Variants in SRPK2 observed in about 807,000 individuals in gnomAD.
SRPK2 encodes the protein SRSF protein kinase 2.
Under a neutral mutation model 90.8 loss-of-function variants are expected in SRPK2, and 21 were observed. That is an observed-to-expected ratio of 0.23 (90% CI 0.16 to 0.33). The LOEUF is 0.33. Ranked by LOEUF, SRPK2 falls within the 10% of genes least tolerant of loss-of-function variation. SRPK2 has a pLI of 1.00. For missense variants in SRPK2, 620 were observed against 869.0 expected (o/e 0.71, Z 3.60); for synonymous variants, 288 against 311.1 (o/e 0.93, Z 0.78).
At chr7:105,353,227 A>G (rs1033160889) in intron 2 of SRPK2, among the ~76,000 whole-genome samples, 6 of 152,218 alleles carry the variant, frequency 3.9e-5, no homozygotes, top group Non-Finnish European at 5.9e-5. Context: ...TCTCAGCTCT[A>G]CAACCTATCA....
In SRPK2 at chr7:105,170,848, A is replaced by AAAGG. The variant is rs1248471984; in HGVS notation, c.230-1584_230-1583insCCTT. 2.6e-4 allele frequency among the ~76,000 whole-genome samples: 4 copies of AAAGG among 15,594 alleles called. 1 individual carries two copies. Among genetic ancestry groups the AAAGG allele is most frequent in the African/African-American group, 6.6e-4 (4 of 6,018 alleles). 10.2% of individuals were successfully genotyped at this position (15,594 alleles called of 152,430 possible). ...AAGAGAAAGAAAGGAAGAAAGAAAG[A>AAAGG]AAGAAAGAAAGAAAGAAAGAAAGAA... On this transcript the variant is annotated intron_variant, in intron 3 of 15. Transcript: ENST00000393651.
chr7:105,156,061 G>T (rs1051069161), intron 7 of SRPK2, among the ~76,000 whole-genome samples: 2 of 152,198 alleles, frequency 1.3e-5, no homozygotes, highest in African/African-American at 4.8e-5. Context: ...GCTGACACCA[G>T]ATGATAGAAA....
intron 2 of SRPK2, among the ~76,000 whole-genome samples, chr7:105,364,753 T>C (rs890905508): frequency 1.3e-5 from 2 of 152,010 alleles, no homozygotes; most frequent in African/African-American, 2.4e-5. Context: ...ATTAGAGACA[T>C]TGTGTTTGGG....
intron 2 of SRPK2, among the ~76,000 whole-genome samples, chr7:105,280,010 G>C (rs915302944): frequency 6.6e-6 from 1 of 152,180 alleles, no homozygotes; most frequent in African/African-American, 2.4e-5. Flanking sequence ...TTATATCATA[G>C]AGTAATATTC....
chr7:105,169,407 A>G, intron 3 of SRPK2, 142 bp from the exon 4 acceptor site: 1 of 641,858 alleles, frequency 1.6e-6, no homozygotes, highest in Non-Finnish European at 2.6e-6. Context: ...ATAATACAAC[A>G]TTTTTTTCAG....
intron 2 of SRPK2, among the ~76,000 whole-genome samples, chr7:105,256,144 T>C (rs1803269852): frequency 1.3e-5 from 2 of 152,222 alleles, no homozygotes; most frequent in Non-Finnish European, 1.5e-5. Context: ...TATTTCAATC[T>C]ACAGCTAATG....
At chr7:105,364,549 C>T (rs1818815012) in intron 2 of SRPK2, among the ~76,000 whole-genome samples, 1 of 151,892 alleles carries the variant, frequency 6.6e-6, no homozygotes, top group Admixed American at 6.6e-5. Context: ...TACAGGTACC[C>T]GCCATCATGC....
intron 2 of SRPK2, among the ~76,000 whole-genome samples, chr7:105,299,652 G>A (rs1810283161): frequency 6.6e-6 from 1 of 152,178 alleles, no homozygotes; most frequent in Non-Finnish European, 1.5e-5. Flanking sequence ...CAGCACTTTG[G>A]GAGGCTATGG....
chr7:105,303,455 A>G (rs1810807454), intron 2 of SRPK2, among the ~76,000 whole-genome samples: 1 of 151,992 alleles, frequency 6.6e-6, no homozygotes, highest in African/African-American at 2.4e-5. Flanking sequence ...TAGAACTTAA[A>G]GTATAATTAA....
intron 2 of SRPK2, among the ~76,000 whole-genome samples, chr7:105,320,740 C>T (rs1247400865): frequency 6.6e-6 from 1 of 152,092 alleles, no homozygotes; most frequent in Non-Finnish European, 1.5e-5. Context: ...CCGAAGGTTG[C>T]AAACTTTTTT....
intron 2 of SRPK2, among the ~76,000 whole-genome samples, chr7:105,237,636 G>T (rs1800297049): frequency 6.6e-6 from 1 of 152,200 alleles, no homozygotes; most frequent in Non-Finnish European, 1.5e-5. Flanking sequence ...CAAAGCTTTT[G>T]CTGTGACCAT....
intron 2 of SRPK2, chr7:105,204,587 G>C (rs1484909299): frequency 2.0e-6 from 1 of 512,818 alleles, no homozygotes; most frequent in Admixed American, 2.5e-5. Context: ...ACCACTGAAT[G>C]CGTGCGCTGA....
chr7:105,298,936 C>A (rs1251027005), intron 2 of SRPK2, among the ~76,000 whole-genome samples: 3 of 152,226 alleles, frequency 2.0e-5, no homozygotes, highest in Non-Finnish European at 4.4e-5. Context: ...AGTTATCCAT[C>A]ATCACCCAAA....
intron 2 of SRPK2, among the ~76,000 whole-genome samples, chr7:105,336,715 T>A (rs1407528011): frequency 1.3e-5 from 2 of 152,210 alleles, no homozygotes; most frequent in Non-Finnish European, 2.9e-5. Flanking sequence ...CATAACAAAT[T>A]TAACACTCTG....
chr7:105,376,749 G>A (rs1379062694), intron 2 of SRPK2, among the ~76,000 whole-genome samples: 1 of 151,314 alleles, frequency 6.6e-6, no homozygotes, highest in Non-Finnish European at 1.5e-5. Context: ...TGTTGGCCAG[G>A]CTGGTCTCGA....
chr7:105,268,936 G>A, intron 2 of SRPK2: 1 of 1,514,548 alleles, frequency 6.6e-7, no homozygotes, highest in Non-Finnish European at 8.9e-7. Context: ...TATATCAAGA[G>A]ATTTTTCTTC....
At chr7:105,183,373 T>C (rs1179556334) in intron 3 of SRPK2, among the ~76,000 whole-genome samples, 5 of 152,108 alleles carry the variant, frequency 3.3e-5, no homozygotes, top group Admixed American at 1.3e-4. Flanking sequence ...ATACCAAGAG[T>C]ACTTTAGAAC....
intron 2 of SRPK2, among the ~76,000 whole-genome samples, chr7:105,224,583 T>G (rs1798492685): frequency 6.6e-6 from 1 of 152,200 alleles, no homozygotes; most frequent in South Asian, 2.1e-4. Flanking sequence ...CACTCCAGCC[T>G]GGGCAACAAG....
chr7:105,191,498 T>C (rs1298344221), intron 3 of SRPK2, among the ~76,000 whole-genome samples: 1 of 152,144 alleles, frequency 6.6e-6, no homozygotes, highest in Non-Finnish European at 1.5e-5. Flanking sequence ...GTTGTAGTAG[T>C]AGTGAGCTGT....
Sources: allele counts gnomAD v4.1 joint callset (sites outside exome capture counted in the v4.1 genomes callset), GRCh38; gene constraint gnomAD v4.1.1; transcripts MANE v1.5; gene names NCBI Gene and HGNC (gene_info 2026-07-23, HGNC 2026-07-21).